The following PTPRD variants were observed in gnomAD, a reference collection of about 807,000 sequenced individuals.
The protein encoded by PTPRD is receptor-type tyrosine-protein phosphatase delta.
Under a neutral mutation model 214.5 loss-of-function variants are expected in PTPRD, and 34 were observed. The observed-to-expected ratio is 0.16, with a 90% confidence interval of 0.12 to 0.21. The LOEUF (loss-of-function observed/expected upper bound fraction) is 0.21, where lower values mean the gene tolerates loss of function less well. PTPRD is among the 10% of genes least tolerant of loss of function. The probability of loss-of-function intolerance (pLI) is 1.00; values close to 1 mark genes in which losing one functional copy is unlikely to be tolerated. For missense variants in PTPRD, 2,545 were observed against 2,398.7 expected (o/e 1.06, Z -1.27); for synonymous variants, 1,128 against 845.7 (o/e 1.33, Z -5.79).
intron 33 of PTPRD, among the ~76,000 whole-genome samples, chr9:8,454,921 C>T (rs7870456): frequency 0.32 from 48,976 of 151,598 alleles, 9,350 homozygotes; most frequent in African/African-American, 0.55. Flanking sequence ...AAGTGTTCGA[C>T]AGTGGAGAGA....
chr9:9,952,510 A>C (rs1286778470), intron 4 of PTPRD, among the ~76,000 whole-genome samples: 1 of 152,204 alleles, frequency 6.6e-6, no homozygotes, highest in Non-Finnish European at 1.5e-5. Context: ...AACATCGTTC[A>C]TTGCAATGGA....
chr9:8,702,904 G>C (rs1037430791), intron 12 of PTPRD, among the ~76,000 whole-genome samples: 1 of 152,202 alleles, frequency 6.6e-6, no homozygotes, highest in Non-Finnish European at 1.5e-5. Context: ...ACTGCGCCCG[G>C]CCATAAGATA....
intron 2 of PTPRD, among the ~76,000 whole-genome samples, chr9:10,393,108 A>G (rs977698054): frequency 1.3e-5 from 2 of 151,932 alleles, no homozygotes; most frequent in Non-Finnish European, 2.9e-5. Context: ...TGTAGTTTGT[A>G]GTGTGACATG....
intron 4 of PTPRD, among the ~76,000 whole-genome samples, chr9:10,002,254 A>G (rs2096340194): frequency 7.0e-6 from 1 of 142,562 alleles, no homozygotes. Flanking sequence ...ACATAGGAAC[A>G]AAAAAAAGAC....
At chr9:8,478,429 T>C (rs999513476) in intron 30 of PTPRD, among the ~76,000 whole-genome samples, 2 of 152,234 alleles carry the variant, frequency 1.3e-5, no homozygotes, top group African/African-American at 2.4e-5. Flanking sequence ...AATACCCTTA[T>C]TCTTTATTTC....
intron 10 of PTPRD, among the ~76,000 whole-genome samples, chr9:9,024,228 T>C (rs2154371774): frequency 6.6e-6 from 1 of 151,996 alleles, no homozygotes; most frequent in Non-Finnish European, 1.5e-5. Flanking sequence ...TTAAATAATG[T>C]GAATGTTTTC....
intron 7 of PTPRD, among the ~76,000 whole-genome samples, chr9:9,587,872 T>C (rs780829405): frequency 3.3e-5 from 5 of 151,850 alleles, no homozygotes; most frequent in African/African-American, 4.8e-5. Context: ...AATTGGAGGA[T>C]AAAGAGAGGT....
intron 2 of PTPRD, among the ~76,000 whole-genome samples, chr9:10,475,139 C>A (rs992250207): frequency 1.6e-4 from 24 of 151,914 alleles, no homozygotes; most frequent in African/African-American, 5.6e-4. Context: ...AAGATTAGAG[C>A]AGAATTGAAG....
chr9:9,547,771 T>G (rs1045160749), intron 8 of PTPRD, among the ~76,000 whole-genome samples: 10 of 145,642 alleles, frequency 6.9e-5, no homozygotes, highest in Admixed American at 1.4e-4. Context: ...ACCAAAAATC[T>G]AAGAAAGCTC....
At chr9:8,657,157 T>C (rs2154350590) in intron 12 of PTPRD, among the ~76,000 whole-genome samples, 1 of 150,350 alleles carries the variant, frequency 6.7e-6, no homozygotes, top group African/African-American at 2.4e-5. Context: ...TTCATGTCTT[T>C]TGCCCACTTT....
chr9:10,422,480 C>G (rs1440174059), intron 2 of PTPRD, among the ~76,000 whole-genome samples: 1 of 151,934 alleles, frequency 6.6e-6, no homozygotes, highest in East Asian at 1.9e-4. Flanking sequence ...AAACTAAGAG[C>G]TTCTACACAG....
intron 7 of PTPRD, among the ~76,000 whole-genome samples, chr9:9,704,673 T>C (rs1321083296): frequency 6.6e-6 from 1 of 152,194 alleles, no homozygotes; most frequent in Non-Finnish European, 1.5e-5. Context: ...AATATTTTCT[T>C]TGGGATCCCT....
At chr9:10,539,436 T>G (rs373841263) in intron 2 of PTPRD, among the ~76,000 whole-genome samples, 7 of 152,152 alleles carry the variant, frequency 4.6e-5, no homozygotes, top group African/African-American at 1.4e-4. Flanking sequence ...CTGCCTGCCT[T>G]GGCCTCCCAA....
intron 11 of PTPRD, among the ~76,000 whole-genome samples, chr9:8,752,393 A>C (rs2093621726): frequency 6.6e-6 from 1 of 152,160 alleles, no homozygotes; most frequent in Non-Finnish European, 1.5e-5. Flanking sequence ...ACATGGTCTA[A>C]AAAGGGGAGG....
chr9:9,813,942 G>A (rs1469556793), intron 5 of PTPRD, among the ~76,000 whole-genome samples: 1 of 152,086 alleles, frequency 6.6e-6, no homozygotes, highest in Non-Finnish European at 1.5e-5. Context: ...TTGCAAATGG[G>A]TCATTCACCA....
chr9:9,968,614 G>T (rs2094874792), intron 4 of PTPRD, among the ~76,000 whole-genome samples: 1 of 152,052 alleles, frequency 6.6e-6, no homozygotes, highest in South Asian at 2.1e-4. Flanking sequence ...TTTTGAGAAT[G>T]GAAGGGAAGG....
chr9:8,333,367 G>C (rs1029318142), intron 43 of PTPRD, among the ~76,000 whole-genome samples: 1 of 152,078 alleles, frequency 6.6e-6, no homozygotes, highest in Non-Finnish European at 1.5e-5. Context: ...CCTTCTATTT[G>C]GAGGAGAGAC....
intron 34 of PTPRD, among the ~76,000 whole-genome samples, chr9:8,438,397 C>T (rs1250722842): frequency 1.3e-5 from 2 of 152,126 alleles, no homozygotes; most frequent in Non-Finnish European, 2.9e-5. Flanking sequence ...AACTGAATTG[C>T]TTGCAAGTAG....
At chr9:10,210,330 G>A (rs1381576202) in intron 3 of PTPRD, among the ~76,000 whole-genome samples, 1 of 152,116 alleles carries the variant, frequency 6.6e-6, no homozygotes. Flanking sequence ...ACAAAAGTGA[G>A]AAGATGGAGA....
Sources: allele counts gnomAD v4.1 joint callset (sites outside exome capture counted in the v4.1 genomes callset), GRCh38; gene constraint gnomAD v4.1.1; transcripts MANE v1.5; gene names NCBI Gene and HGNC (gene_info 2026-07-23, HGNC 2026-07-21).